Variants in DCBLD2 observed in about 807,000 individuals in gnomAD.
The protein encoded by DCBLD2 is discoidin, CUB and LCCL domain-containing protein 2.
A neutral mutation model predicts 86.8 loss-of-function variants in DCBLD2; 54 were observed. That is an observed-to-expected ratio of 0.62 (90% CI 0.50 to 0.78). The LOEUF is 0.78. DCBLD2 is among the 30% of genes least tolerant of loss of function. The probability of loss-of-function intolerance (pLI) is 0.00; values close to 1 mark genes in which losing one functional copy is unlikely to be tolerated. For missense variants in DCBLD2, 908 were observed against 954.2 expected (o/e 0.95, Z 0.64); for synonymous variants, 354 against 341.3 (o/e 1.04, Z -0.41).
intron 2 of DCBLD2, among the ~76,000 whole-genome samples, chr3:98,870,726 GAAAAGAAAGA>G (rs1943249225): frequency 1.3e-5 from 1 of 78,924 alleles, no homozygotes; most frequent in African/African-American, 5.0e-5. Flanking sequence ...AAAAGGAAAA[GAAAAGAAAGA>G]AAAAGAAAGA....
chr3:98,893,239 C>T (rs1035127793), intron 1 of DCBLD2, among the ~76,000 whole-genome samples: 4 of 151,950 alleles, frequency 2.6e-5, no homozygotes, highest in African/African-American at 9.7e-5. Context: ...TCCCAGCCCT[C>T]GTTACAGTCT....
intron 7 of DCBLD2, 126 bp downstream of exon 7, chr3:98,820,122 T>C: frequency 2.0e-6 from 1 of 489,972 alleles, no homozygotes; most frequent in Non-Finnish European, 3.3e-6. Flanking sequence ...GATAACTATC[T>C]TACCTCATAG....
Position 98,883,314 on chromosome 3 carries a change from A to G in DCBLD2, c.206-1547T>C, listed in dbSNP as rs1434763689. Among the ~76,000 whole-genome samples, 3 of 152,332 alleles carry G rather than the reference A, an allele frequency of 2.0e-5. No homozygotes were observed. The East Asian group carries it at 5.8e-4, about 29-fold the overall frequency. On this transcript the variant is annotated intron_variant, in intron 1 of 15. Transcript: ENST00000326840. ...AGGCACTCCTTCTTGAAATTATTAA[A>G]GCAATATTTAATGAAGTTTAATTCT...
intron 2 of DCBLD2, among the ~76,000 whole-genome samples, chr3:98,868,590 A>G (rs564307049): frequency 8.8e-4 from 134 of 152,174 alleles, no homozygotes; most frequent in African/African-American, 2.8e-3. Flanking sequence ...CCAACAGGTG[A>G]TTTTTTAATC....
chr3:98,842,512 A>C (rs1268408790), intron 3 of DCBLD2, among the ~76,000 whole-genome samples: 1 of 152,248 alleles, frequency 6.6e-6, no homozygotes, highest in Admixed American at 6.5e-5. Flanking sequence ...AGTACCAGAC[A>C]CTATACTAGG....
chr3:98,864,962 AGT>A, intron 2 of DCBLD2, among the ~76,000 whole-genome samples: 1 of 152,316 alleles, frequency 6.6e-6, no homozygotes, highest in South Asian at 2.1e-4. Context: ...AAAAGACAAA[AGT>A]GTTGACAAGA....
intron 3 of DCBLD2, among the ~76,000 whole-genome samples, chr3:98,839,208 T>TTCCTTCCTTCC (rs1401408187): frequency 4.8e-4 from 52 of 107,646 alleles, no homozygotes; most frequent in Admixed American, 1.3e-3. Flanking sequence ...TCCTTCCTTC[T>TTCCTTCCTTCC]TTCTTTCCTT....
chr3:98,849,649 T>C, intron 2 of DCBLD2, 51 bp from the exon 3 acceptor site: 1 of 1,575,986 alleles, frequency 6.3e-7, no homozygotes, highest in South Asian at 1.1e-5. Context: ...ATGAAGTCAA[T>C]AATATTTGCA....
intron 2 of DCBLD2, among the ~76,000 whole-genome samples, chr3:98,855,822 C>T (rs1942922333): frequency 6.6e-6 from 1 of 152,176 alleles, no homozygotes; most frequent in East Asian, 1.9e-4. Context: ...GAAACTTCTA[C>T]TTTAGCAAAG....
chr3:98,824,521 G>A (rs1206931795), intron 4 of DCBLD2, among the ~76,000 whole-genome samples: 1 of 152,054 alleles, frequency 6.6e-6, no homozygotes, highest in African/African-American at 2.4e-5. Context: ...ACAAAATTAA[G>A]GTTCTTGGGG....
Position 98,822,673 on chromosome 3 carries a change from C to A in DCBLD2, c.692G>T (p.Arg231Ile), listed in dbSNP as rs1314406101. ...EISGTIPHGY[R>I]DSSPLCMAGV... ...ATAAGTTTATATCTGGCTTACATCTCTATATCCATGAGGAATTGTTCCAGA... is the reference window on the plus strand; with the variant it reads ...ATAAGTTTATATCTGGCTTACATCTATATATCCATGAGGAATTGTTCCAGA... The change falls in exon 5 of 16, where the codon AGA (arginine) becomes ATA (isoleucine). Residue 231 changes from arginine to isoleucine, a missense_variant. Around this residue, in one of 3 missense-constraint regions of DCBLD2, gnomAD observed 606 missense variants for 678.5 expected, o/e 0.89. Transcript: ENST00000326840. 1 of 1,585,800 alleles carries A rather than the reference C, an allele frequency of 6.3e-7. No homozygotes were observed. Among genetic ancestry groups the A allele is most frequent in the Non-Finnish European group, 8.6e-7 (1 of 1,165,464 alleles).
At chr3:98,827,234 C>G (rs1942240112) in intron 3 of DCBLD2, among the ~76,000 whole-genome samples, 1 of 152,148 alleles carries the variant, frequency 6.6e-6, no homozygotes, top group African/African-American at 2.4e-5. Context: ...ATTGAATTAC[C>G]AGTTCTCTAG....
intron 3 of DCBLD2, among the ~76,000 whole-genome samples, chr3:98,844,034 GCACA>G (rs10574415): frequency 0.37 from 53,816 of 145,460 alleles, 9,693 homozygotes; most frequent in Middle Eastern, 0.38. Flanking sequence ...AATCATGCAT[GCACA>G]CACACACACA....
At chr3:98,876,827 C>T (rs533611696) in intron 2 of DCBLD2, among the ~76,000 whole-genome samples, 1 of 152,166 alleles carries the variant, frequency 6.6e-6, no homozygotes, top group African/African-American at 2.4e-5. Flanking sequence ...TTCTATACTG[C>T]TATAAAAAGA....
At chr3:98,849,330 T>C (rs1942788537) in intron 3 of DCBLD2, 131 bp downstream of exon 3, 2 of 1,137,844 alleles carry the variant, frequency 1.8e-6, no homozygotes, top group Non-Finnish European at 2.6e-6. Flanking sequence ...GTCAAATTTA[T>C]ATATGTGCTA....
intron 13 of DCBLD2, chr3:98,805,029 T>TG (rs1289230807): frequency 6.6e-6 from 1 of 152,386 alleles, no homozygotes; most frequent in Non-Finnish European, 1.5e-5. Context: ...ACAGGGGCCA[T>TG]GCTAATCTTC....
At chr3:98,819,156 T>G in intron 8 of DCBLD2, 46 bp downstream of exon 8, 1 of 1,492,434 alleles carries the variant, frequency 6.7e-7, no homozygotes, top group Non-Finnish European at 9.0e-7. Flanking sequence ...GTTTTTCAAA[T>G]AAAATAAGTG....
In DCBLD2 at chr3:98,822,218, A is replaced by G. The variant is rs1306348967; in HGVS notation, c.830+10T>C. ...ATAGCATATATTTTTTAAATTGCAT[A>G]TATACTTACACCACAGATGTGACGT... On this transcript the variant is annotated intron_variant, in intron 6 of 15. Coordinates refer to ENST00000326840, the MANE Select transcript of DCBLD2 (RefSeq NM_080927.4). 7 of 1,613,418 alleles carry G rather than the reference A, an allele frequency of 4.3e-6. No individual in the cohort carries two copies. The highest frequency in any genetic ancestry group is 2.2e-5 in the East Asian group (1 of 44,862).
At chr3:98,811,144 A>T (rs966385707) in intron 12 of DCBLD2, 50 bp downstream of exon 12, 9 of 1,483,282 alleles carry the variant, frequency 6.1e-6, no homozygotes, top group Non-Finnish European at 7.2e-6. Flanking sequence ...AACTTCAGTT[A>T]AGAACAAAAC....
Sources: gnomAD v4.1 joint callset for allele counts (sites outside exome capture counted in the v4.1 genomes callset) on GRCh38, gnomAD v4.1.1 for gene constraint, gnomAD v4.1.1 regional missense constraint, MANE v1.5 for transcripts, NCBI Gene and HGNC (gene_info 2026-07-23, HGNC 2026-07-21) for gene names.